The following SLC12A8 variants were observed in gnomAD, a reference collection of about 807,000 sequenced individuals.
SLC12A8 encodes the protein cation-chloride cotransporter 9.
In SLC12A8, 69 loss-of-function variants were observed where a neutral mutation model predicts 75.6. The observed-to-expected ratio is 0.91, with a 90% CI of 0.75 to 1.11. The LOEUF is 1.11. SLC12A8 is among the 50% of genes most tolerant of loss of function. SLC12A8 has a pLI of 0.00. For synonymous variants in SLC12A8, 365 were observed against 372.8 expected, an observed-to-expected ratio of 0.98 and a Z score of 0.24; for missense variants, 877 against 896.7, an observed-to-expected ratio of 0.98 and a Z score of 0.28.
rs753358675 is a variant in SLC12A8 at position 125,141,961 on chromosome 3, C to T, written c.623-6179G>A. Among the ~76,000 whole-genome samples the T allele has an allele frequency of 1.1e-3, 174 of 152,154 alleles. 1 individual carries two copies. Among genetic ancestry groups the T allele is most frequent in the South Asian group, 1.9e-3 (9 of 4,804 alleles). ...GGGAAGGGACCCGCACGACGACGCC[C>T]GAAGGGCGTCGGGGGAAGTGGTAGG... On this transcript the variant is annotated intron_variant, in intron 5 of 13. Transcript: ENST00000469902.
chr3:125,094,673 T>C (rs1436890503), intron 10 of SLC12A8, among the ~76,000 whole-genome samples: 1 of 152,230 alleles, frequency 6.6e-6, no homozygotes, highest in Non-Finnish European at 1.5e-5. Context: ...AACAAATGTC[T>C]ACAGCTCACC....
intron 5 of SLC12A8, among the ~76,000 whole-genome samples, chr3:125,169,527 G>A (rs561899019): frequency 2.3e-4 from 35 of 152,068 alleles, no homozygotes; most frequent in Non-Finnish European, 4.7e-4. Context: ...AACTTGAGAC[G>A]GAAGGACACA....
chr3:125,212,409 C>T (rs1935355176), intron 1 of SLC12A8, among the ~76,000 whole-genome samples: 1 of 151,928 alleles, frequency 6.6e-6, no homozygotes, highest in South Asian at 2.1e-4. Context: ...GCAGGCCGCC[C>T]CGCAGGCCTC....
chr3:125,110,055 A>G, intron 9 of SLC12A8, 134 bp downstream of exon 9: 3 of 982,868 alleles, frequency 3.1e-6, no homozygotes, highest in Middle Eastern at 4.4e-4. Flanking sequence ...TGACCTCTGC[A>G]TTATTTTCTG....
intron 4 of SLC12A8, among the ~76,000 whole-genome samples, chr3:125,180,643 ATCAC>A (rs1229639404): frequency 1.3e-5 from 2 of 152,180 alleles, no homozygotes; most frequent in African/African-American, 4.8e-5. Flanking sequence ...GTGAGCTGAG[ATCAC>A]GCCACCGCAC....
At chr3:125,159,925 T>A (rs1579513821) in intron 5 of SLC12A8, among the ~76,000 whole-genome samples, 1 of 152,176 alleles carries the variant, frequency 6.6e-6, no homozygotes, top group African/African-American at 2.4e-5. Flanking sequence ...GCTGTGGAGA[T>A]GCAACTGGAA....
chr3:125,133,310 AATATACCCATAAAACCATCACT>A (rs1342974376), intron 6 of SLC12A8, among the ~76,000 whole-genome samples: 1 of 152,028 alleles, frequency 6.6e-6, no homozygotes, highest in Non-Finnish European at 1.5e-5. Context: ...TTGCTATATG[AATATACCCATAAAACCATCACT>A]ATAATCAGGA....
In SLC12A8 at chr3:125,083,181, T is replaced by A. The variant is rs1297115002; in HGVS notation, c.*709A>T. ...TGGGTGTGGAAACATGTGAGTGTATTATTTATTTTTGAATAAATAATACAA... is the reference window on the plus strand; with the variant it reads ...TGGGTGTGGAAACATGTGAGTGTATAATTTATTTTTGAATAAATAATACAA... On this transcript the variant is annotated 3_prime_UTR_variant, in exon 14 of 14. Transcript: ENST00000469902. The A allele has an allele frequency of 6.6e-6, 1 of 152,230 alleles. No homozygotes were observed. Among genetic ancestry groups the A allele is most frequent in the Non-Finnish European group, 1.5e-5 (1 of 68,036 alleles). 9.4% of individuals were successfully genotyped at this position (152,230 alleles called of 1,614,324 possible). A position where few individuals can be genotyped will look rare whatever the true frequency, so the allele number is the denominator to read the frequency against.
intron 6 of SLC12A8, among the ~76,000 whole-genome samples, chr3:125,128,886 C>T (rs1010329711): frequency 1.3e-5 from 2 of 152,184 alleles, no homozygotes; most frequent in African/African-American, 4.8e-5. Context: ...TGAGCACTAA[C>T]AGCCGGGCTG....
At chr3:125,097,315 G>C (rs1011008832) in intron 10 of SLC12A8, among the ~76,000 whole-genome samples, 1 of 152,060 alleles carries the variant, frequency 6.6e-6, no homozygotes, top group Non-Finnish European at 1.5e-5. Context: ...CTTAAACCCA[G>C]GAGGCTGAGG....
At chr3:125,164,910 TGTGCAGACAGGGTTAAGAACCCCA>T (rs1316887400) in intron 5 of SLC12A8, among the ~76,000 whole-genome samples, 1 of 152,234 alleles carries the variant, frequency 6.6e-6, no homozygotes, top group Non-Finnish European at 1.5e-5. Flanking sequence ...GTGCTTCTGA[TGTGCAGACAGGGTTAAGAACCCCA>T]GGGATGGAGG....
chr3:125,194,633 A>G (rs1560082854), intron 2 of SLC12A8, among the ~76,000 whole-genome samples: 1 of 152,250 alleles, frequency 6.6e-6, no homozygotes, highest in African/African-American at 2.4e-5. Context: ...ATGCATCTGC[A>G]ATGTCAGATG....
At chr3:125,176,402 C>T (rs1241257164) in intron 5 of SLC12A8, among the ~76,000 whole-genome samples, 1 of 151,952 alleles carries the variant, frequency 6.6e-6, no homozygotes. Flanking sequence ...AATAAAAGGA[C>T]ACATAGGCAT....
intron 10 of SLC12A8, 80 bp downstream of exon 10, chr3:125,107,401 G>T: frequency 7.7e-7 from 1 of 1,296,898 alleles, no homozygotes; most frequent in Non-Finnish European, 1.1e-6. Flanking sequence ...AGTTATAACT[G>T]GTTCACAATA....
intron 10 of SLC12A8, among the ~76,000 whole-genome samples, chr3:125,100,562 C>T (rs1211192255): frequency 6.6e-6 from 1 of 151,560 alleles, no homozygotes; most frequent in African/African-American, 2.4e-5. Flanking sequence ...CATGTGCCAC[C>T]ATGCCCGGCT....
chr3:125,107,692 C>A lies in SLC12A8; in HGVS notation c.1494G>T (p.Lys498Asn), dbSNP rs200313431. Residue 498 changes from lysine (K) to asparagine (N), a missense_variant, in exon 10 of 14, where the codon AAG becomes AAT. Coordinates refer to ENST00000469902, the MANE Select transcript of SLC12A8 (RefSeq NM_024628.6). ...SQKRKSKKAT[K>N]QTLQDSFLLD... ...AGAGGAAGCTATCTTGTAGGGTCTG[C>A]TTGGTGGCCTTCTTGCTTTTCCTCT... The A allele has an allele frequency of 6.2e-7, 1 of 1,614,124 alleles. No individual in the cohort carries two copies. Among genetic ancestry groups the A allele is most frequent in the East Asian group, 2.2e-5 (1 of 44,880 alleles).
At chr3:125,180,006 T>TC (rs1934620030) in intron 4 of SLC12A8, among the ~76,000 whole-genome samples, 1 of 152,014 alleles carries the variant, frequency 6.6e-6, no homozygotes, top group Non-Finnish European at 1.5e-5. Context: ...CATGGGACCA[T>TC]CTGCATCCAA....
At chr3:125,207,241 C>T (rs909121097) in intron 2 of SLC12A8, among the ~76,000 whole-genome samples, 1 of 152,142 alleles carries the variant, frequency 6.6e-6, no homozygotes, top group African/African-American at 2.4e-5. Context: ...GCCTGCAGAC[C>T]TCCTAGAAAA....
intron 5 of SLC12A8, among the ~76,000 whole-genome samples, chr3:125,141,695 G>GACT (rs1933643025): frequency 2.0e-5 from 3 of 149,286 alleles, no homozygotes; most frequent in South Asian, 2.1e-4. Flanking sequence ...GCGGGCTGCG[G>GACT]GCTGCGGGCT....
Sources: gnomAD v4.1 joint callset for allele counts (sites outside exome capture counted in the v4.1 genomes callset) on GRCh38, gnomAD v4.1.1 for gene constraint, MANE v1.5 for transcripts, NCBI Gene and HGNC (gene_info 2026-07-23, HGNC 2026-07-21) for gene names.